The following MTCL3 variants were observed in gnomAD, a reference collection of about 807,000 sequenced individuals.
MTCL3 encodes the protein microtubule cross-linking factor 3.
chr6:127,475,884 C>G, the MTCL3 span: 1 of 1,613,622 alleles, frequency 6.2e-7, no homozygotes, highest in Non-Finnish European at 8.5e-7. This position sits in a 1 kb window ranked among gnomAD's most constrained non-coding sequence, Gnocchi z 7.3. Context: ...TGCCGCTGAG[C>G]TCGTTGATCT....
At chr6:127,500,929 A>C in the MTCL3 span, among the ~76,000 whole-genome samples, 1 of 152,148 alleles carries the variant, frequency 6.6e-6, no homozygotes, top group Admixed American at 6.5e-5. Context: ...CTCCTGCCTC[A>C]GCCTCCCAAG....
the MTCL3 span, among the ~76,000 whole-genome samples, chr6:127,488,283 C>T: frequency 6.6e-6 from 1 of 152,276 alleles, no homozygotes; most frequent in East Asian, 1.9e-4. Context: ...AAAAGCAAAT[C>T]CTTCGGCCAT....
At chr6:127,488,654 G>A in the MTCL3 span, among the ~76,000 whole-genome samples, 30 of 152,128 alleles carry the variant, frequency 2.0e-4, no homozygotes, top group Non-Finnish European at 3.7e-4. Flanking sequence ...CCTTTAAAAA[G>A]CTGGAATATA....
chr6:127,479,908 T>A, the MTCL3 span, among the ~76,000 whole-genome samples: 1 of 152,154 alleles, frequency 6.6e-6, no homozygotes, highest in Non-Finnish European at 1.5e-5. Flanking sequence ...CATACATAAT[T>A]ATTGATAAAA....
At chr6:127,478,882 T>C in the MTCL3 span, among the ~76,000 whole-genome samples, 2 of 151,930 alleles carry the variant, frequency 1.3e-5, no homozygotes, top group South Asian at 2.1e-4. Context: ...CTGGGCATGG[T>C]GGCATGCGCC....
the MTCL3 span, among the ~76,000 whole-genome samples, chr6:127,490,128 C>T: frequency 6.6e-6 from 1 of 152,158 alleles, no homozygotes; most frequent in Non-Finnish European, 1.5e-5. Flanking sequence ...TATGCTAAAC[C>T]TATTCTGCCT....
the MTCL3 span, among the ~76,000 whole-genome samples, chr6:127,486,078 C>T: frequency 6.6e-6 from 1 of 152,144 alleles, no homozygotes; most frequent in African/African-American, 2.4e-5. Context: ...TCAGCTTGTG[C>T]AGCTGAGAAA....
chr6:127,510,085 T>C, the MTCL3 span, among the ~76,000 whole-genome samples: 1 of 152,312 alleles, frequency 6.6e-6, no homozygotes, highest in South Asian at 2.1e-4. Flanking sequence ...TTTTTATTTC[T>C]GTTCCCCACC....
the MTCL3 span, chr6:127,476,418 G>C: frequency 1.2e-6 from 2 of 1,610,952 alleles, no homozygotes; most frequent in Middle Eastern, 1.7e-4. This position sits in a 1 kb window ranked among gnomAD's most constrained non-coding sequence, Gnocchi z 4.4. Context: ...TCATCAAAGC[G>C]GCTTCTTCCT....
chr6:127,513,466 G>C, the MTCL3 span, among the ~76,000 whole-genome samples: 1 of 152,176 alleles, frequency 6.6e-6, no homozygotes, highest in Non-Finnish European at 1.5e-5. Context: ...GCAAAACTAT[G>C]AGGTAGATGT....
the MTCL3 span, chr6:127,514,871 G>A: frequency 3.7e-6 from 6 of 1,614,000 alleles, no homozygotes; most frequent in African/African-American, 1.3e-5. Flanking sequence ...CGATTTCCCC[G>A]GTCTGGGCGT....
At chr6:127,486,528 G>A in the MTCL3 span, among the ~76,000 whole-genome samples, 9 of 152,064 alleles carry the variant, frequency 5.9e-5, no homozygotes, top group African/African-American at 1.9e-4. Flanking sequence ...ACTAAATCTT[G>A]TAACCTCTGC....
the MTCL3 span, among the ~76,000 whole-genome samples, chr6:127,482,407 G>A: frequency 2.0e-5 from 3 of 152,200 alleles, no homozygotes; most frequent in Admixed American, 2.0e-4. This position sits in a 1 kb window ranked among gnomAD's most constrained non-coding sequence, Gnocchi z 4.1. Context: ...ACAAACCCAT[G>A]TTGAGTACAT....
At chr6:127,514,750 G>T in the MTCL3 span, 2 of 1,268,000 alleles carry the variant, frequency 1.6e-6, no homozygotes, top group Admixed American at 2.0e-5. Context: ...AGACTTCTCA[G>T]CCTAAAGAGC....
chr6:127,510,471 G>A, the MTCL3 span, among the ~76,000 whole-genome samples: 1 of 152,152 alleles, frequency 6.6e-6, no homozygotes, highest in African/African-American at 2.4e-5. Flanking sequence ...ATTTTAAGAT[G>A]GGAGAGGTCC....
chr6:127,492,076 G>A, the MTCL3 span, among the ~76,000 whole-genome samples: 12 of 152,046 alleles, frequency 7.9e-5, no homozygotes, highest in African/African-American at 2.7e-4. Context: ...GTCTGGGCTG[G>A]CCTGCTCCAT....
the MTCL3 span, among the ~76,000 whole-genome samples, chr6:127,484,771 TG>T: frequency 1.3e-5 from 2 of 152,212 alleles, no homozygotes; most frequent in Non-Finnish European, 2.9e-5. Context: ...CAATATTAAC[TG>T]TCATTGAGCC....
the MTCL3 span, chr6:127,517,562 T>A: frequency 6.6e-6 from 1 of 152,342 alleles, no homozygotes; most frequent in Non-Finnish European, 1.5e-5. Flanking sequence ...TAAGTGTAAT[T>A]GCTAGATAGA....
the MTCL3 span, among the ~76,000 whole-genome samples, chr6:127,483,579 T>C: frequency 1.3e-5 from 2 of 152,220 alleles, no homozygotes; most frequent in South Asian, 2.1e-4. Flanking sequence ...CATTGTGTGA[T>C]ACAGGAATGT....
Sources: allele counts gnomAD v4.1 joint callset (sites outside exome capture counted in the v4.1 genomes callset), GRCh38; gene constraint gnomAD v4.1.1; non-coding constraint Gnocchi (gnomAD v3.1); transcripts MANE v1.5; gene names NCBI Gene and HGNC (gene_info 2026-07-23, HGNC 2026-07-21).